Variants in NSD2 observed in about 807,000 individuals in gnomAD.
The protein encoded by NSD2 is histone-lysine N-methyltransferase NSD2.
Under a neutral mutation model 139.0 loss-of-function variants are expected in NSD2, and 12 were observed. That is an observed-to-expected ratio of 0.09 (90% CI 0.06 to 0.14). NSD2 has a LOEUF of 0.14. Ranked by LOEUF, NSD2 falls within the 10% of genes least tolerant of loss-of-function variation. The pLI is 1.00. For missense variants in NSD2, 1,155 were observed against 1,745.0 expected (o/e 0.66, Z 6.02); for synonymous variants, 669 against 648.7 (o/e 1.03, Z -0.48).
chr4:1,884,544 C>T (rs976372488), intron 1 of NSD2, among the ~76,000 whole-genome samples: 1 of 152,034 alleles, frequency 6.6e-6, no homozygotes, highest in Non-Finnish European at 1.5e-5. Context: ...CAGACATGTG[C>T]CACCACGCCT....
At chr4:1,917,515 A>C (rs1251725203) in intron 4 of NSD2, among the ~76,000 whole-genome samples, 1 of 152,114 alleles carries the variant, frequency 6.6e-6, no homozygotes, top group Non-Finnish European at 1.5e-5. Context: ...GGCTCATTGC[A>C]TCCTCTGCCC....
chr4:1,872,631 A>AGAGAGG (rs984225040), intron 1 of NSD2, among the ~76,000 whole-genome samples: 1 of 133,312 alleles, frequency 7.5e-6, no homozygotes, highest in Non-Finnish European at 1.6e-5. Context: ...AGAGAGAGAG[A>AGAGAGG]GAGAGCGCGC....
At chr4:1,947,213 G>C in intron 9 of NSD2, 3 of 1,064,636 alleles carry the variant, frequency 2.8e-6, no homozygotes, top group Non-Finnish European at 3.4e-6. Flanking sequence ...GACACAGTGG[G>C]ACAAAGTTGG....
intron 7 of NSD2, among the ~76,000 whole-genome samples, 162 bp downstream of exon 7, chr4:1,935,424 C>G (rs1193264080): frequency 6.6e-6 from 1 of 152,158 alleles, no homozygotes; most frequent in Non-Finnish European, 1.5e-5. Context: ...TTACAGAACC[C>G]CATTGAGAAA....
At chr4:1,880,801 T>C (rs1714643711) in intron 1 of NSD2, among the ~76,000 whole-genome samples, 1 of 152,194 alleles carries the variant, frequency 6.6e-6, no homozygotes, top group African/African-American at 2.4e-5. Flanking sequence ...GACAAGAGAC[T>C]GGAGGAACAT....
chr4:1,961,558 C>G (rs971639770), intron 18 of NSD2, among the ~76,000 whole-genome samples: 1 of 152,188 alleles, frequency 6.6e-6, no homozygotes, highest in Admixed American at 6.5e-5. Flanking sequence ...GTAGCAGAAT[C>G]GTTTTTGCTT....
At position 1,976,094 on chromosome 4, in the gene NSD2, C is replaced by T. The variant is rs1727049922; in HGVS notation, c.3622-381C>T. On this transcript the variant is annotated intron_variant, in intron 20 of 21. Coordinates refer to ENST00000508803, the MANE Select transcript of NSD2 (RefSeq NM_001042424.3). This position sits in a 1 kb window ranked among gnomAD's most constrained non-coding sequence, Gnocchi z 5.3. ...CTCAGGTCACTGCCGCCCACCTGTG[C>T]CCACGTTCCTGTGGAATTTCCTAAT... Among the ~76,000 whole-genome samples the T allele has an allele frequency of 6.6e-6, 1 of 152,182 alleles. No homozygotes were observed. The highest frequency in any genetic ancestry group is 2.4e-5 in the African/African-American group (1 of 41,450).
chr4:1,894,455 G>A (rs1715970063), intron 1 of NSD2, among the ~76,000 whole-genome samples: 1 of 151,908 alleles, frequency 6.6e-6, no homozygotes, highest in Admixed American at 6.6e-5. Flanking sequence ...CTACCACTTT[G>A]GGAGTCCAGG....
In NSD2 at chr4:1,979,665, T is replaced by G. The variant is rs576816785; in HGVS notation, c.*756T>G. ...GTTGGGCCTACTTCTCACCTGGGCC[T>G]ATCTTCTGAACTCGCTAGGTTCTTA... On this transcript the variant is annotated 3_prime_UTR_variant, in exon 22 of 22. Coordinates refer to ENST00000508803, the MANE Select transcript of NSD2 (RefSeq NM_001042424.3). 4.3e-6 allele frequency: 1 copy of G among 232,572 alleles called. No homozygotes were observed. Among genetic ancestry groups the G allele is most frequent in the Non-Finnish European group, 8.5e-6 (1 of 117,580 alleles). 14.4% of individuals were successfully genotyped at this position (232,572 alleles called of 1,614,324 possible).
At chr4:1,909,263 C>T (rs893066215) in intron 3 of NSD2, among the ~76,000 whole-genome samples, 1 of 151,260 alleles carries the variant, frequency 6.6e-6, no homozygotes, top group Admixed American at 6.6e-5. Flanking sequence ...TTTCCCACCA[C>T]CCCCCCCAAC....
At position 1,952,798 on chromosome 4, in the gene NSD2, C is replaced by G. The variant is rs1043732194; in HGVS notation, c.2138-526C>G. 5.2e-6 allele frequency: 6 copies of G among 1,159,544 alleles called. No individual in the cohort carries two copies. In the Admixed American group the frequency reaches 2.2e-4, roughly 42 times the overall value. 71.8% of individuals were successfully genotyped at this position (1,159,544 alleles called of 1,614,324 possible). A position where few individuals can be genotyped will look rare whatever the true frequency, so the allele number is the denominator to read the frequency against. On this transcript the variant is annotated intron_variant, in intron 11 of 21. Transcript: ENST00000508803. ...GGTCTGTGAGGATGATGAGAGGACA[C>G]CTGCACAGCCGTGGCCCTTCCTGCC...
chr4:1,944,961 G>A lies in NSD2; in HGVS notation c.1881+5183G>A, dbSNP rs962160969. On this transcript the variant is annotated intron_variant, in intron 9 of 21. Transcript: ENST00000508803. ...AGAGAATGTTTCTTAAAACCAATAGGAAACTTAAGCGAGGTTTCATGACAC... is the reference window on the plus strand; with the variant it reads ...AGAGAATGTTTCTTAAAACCAATAGAAAACTTAAGCGAGGTTTCATGACAC... 7.5e-6 allele frequency: 8 copies of A among 1,064,148 alleles called. No individual in the cohort carries two copies. In the African/African-American group the frequency reaches 9.9e-5, roughly 13 times the overall value. 65.9% of individuals were successfully genotyped at this position (1,064,148 alleles called of 1,614,324 possible). A position where few individuals can be genotyped will look rare whatever the true frequency, so the allele number is the denominator to read the frequency against.
In NSD2 at chr4:1,959,459, C is replaced by T; in HGVS notation, c.2986-12C>T. ...CATGTGTGGACCAAGACAGCTTACT[C>T]CTTCCCTGCAGGTGAATAAGCCTTA... On this transcript the variant is annotated splice_polypyrimidine_tract_variant and intron_variant, in intron 16 of 21. Coordinates refer to ENST00000508803, the MANE Select transcript of NSD2 (RefSeq NM_001042424.3). 1.2e-6 allele frequency: 2 copies of T among 1,611,716 alleles called. No homozygotes were observed. Among genetic ancestry groups the T allele is most frequent in the Non-Finnish European group, 1.7e-6 (2 of 1,178,618 alleles).
At chr4:1,880,870 A>G (rs1714646568) in intron 1 of NSD2, among the ~76,000 whole-genome samples, 1 of 152,230 alleles carries the variant, frequency 6.6e-6, no homozygotes, top group African/African-American at 2.4e-5. Context: ...TGTTAGAGAA[A>G]CAGCTGAATA....
At chr4:1,901,286 C>G (rs1246252058) in intron 2 of NSD2, 35 bp downstream of exon 2, 2 of 1,522,090 alleles carry the variant, frequency 1.3e-6, no homozygotes, top group South Asian at 1.3e-5. Context: ...GGTCATGTGA[C>G]CTTGAGCAGT....
intron 7 of NSD2, among the ~76,000 whole-genome samples, chr4:1,937,416 T>A (rs1722530178): frequency 6.6e-6 from 1 of 152,212 alleles, no homozygotes; most frequent in Admixed American, 6.5e-5. Flanking sequence ...TGTTTTGAAA[T>A]ATTTGTGTAA....
intron 1 of NSD2, among the ~76,000 whole-genome samples, chr4:1,872,431 A>G (rs1013103657): frequency 2.6e-5 from 4 of 152,222 alleles, no homozygotes; most frequent in Admixed American, 2.6e-4. Flanking sequence ...AATAAAATGG[A>G]TGAGGGTATT....
intron 21 of NSD2, among the ~76,000 whole-genome samples, chr4:1,978,054 G>A (rs1185276619): frequency 4.0e-5 from 6 of 151,124 alleles, no homozygotes; most frequent in Admixed American, 4.0e-4. Context: ...TTGAACCCAA[G>A]AGACGGAGGC....
intron 11 of NSD2, 110 bp downstream of exon 11, chr4:1,952,341 A>C (rs1577529289): frequency 7.5e-6 from 11 of 1,465,938 alleles, no homozygotes; most frequent in South Asian, 4.0e-5. Context: ...CCCCCTCCCC[A>C]CCCCCACCGC....
Sources: allele counts gnomAD v4.1 joint callset (sites outside exome capture counted in the v4.1 genomes callset), GRCh38; gene constraint gnomAD v4.1.1; non-coding constraint Gnocchi (gnomAD v3.1); transcripts MANE v1.5; gene names NCBI Gene and HGNC (gene_info 2026-07-23, HGNC 2026-07-21).